Variants in BMP6 observed in about 807,000 individuals in gnomAD.
The protein encoded by BMP6 is VG-1-R.
In BMP6, 17 loss-of-function variants were observed where a neutral mutation model predicts 54.1. The ratio of observed to expected loss-of-function variants is 0.31; its 90% CI spans 0.22 to 0.47. The LOEUF is 0.47. BMP6 is among the 20% of genes least tolerant of loss of function. The pLI, the probability that BMP6 is intolerant of heterozygous loss-of-function variation, is 1.00. For missense variants in BMP6, 720 were observed against 690.4 expected (o/e 1.04, Z -0.48); for synonymous variants, 328 against 291.2 (o/e 1.13, Z -1.28).
intron 1 of BMP6, among the ~76,000 whole-genome samples, chr6:7,807,104 G>T (rs887779536): frequency 6.6e-6 from 1 of 152,182 alleles, no homozygotes; most frequent in East Asian, 1.9e-4. Context: ...AGGAAACAGA[G>T]GGTCATTCTC....
intron 1 of BMP6, among the ~76,000 whole-genome samples, chr6:7,835,733 T>A (rs1457735512): frequency 2.0e-5 from 3 of 152,230 alleles, no homozygotes; most frequent in Non-Finnish European, 4.4e-5. Flanking sequence ...CCAACGCATG[T>A]TTATTGACTG....
chr6:7,812,415 G>A (rs1209311137), intron 1 of BMP6, among the ~76,000 whole-genome samples: 1 of 152,120 alleles, frequency 6.6e-6, no homozygotes, highest in African/African-American at 2.4e-5. Flanking sequence ...AAAGGTGATG[G>A]TTTTAACTGG....
At chr6:7,835,416 A>G (rs1237637896) in intron 1 of BMP6, among the ~76,000 whole-genome samples, 1 of 152,158 alleles carries the variant, frequency 6.6e-6, no homozygotes, top group Non-Finnish European at 1.5e-5. Flanking sequence ...CTGAGTCTGA[A>G]GGAATGAATA....
At chr6:7,790,392 T>G (rs1758078093) in intron 1 of BMP6, among the ~76,000 whole-genome samples, 1 of 151,614 alleles carries the variant, frequency 6.6e-6, no homozygotes, top group Admixed American at 6.6e-5. Context: ...GTGGCACACT[T>G]CTGTAGTCCC....
chr6:7,795,258 C>T (rs1758175504), intron 1 of BMP6, among the ~76,000 whole-genome samples: 1 of 152,132 alleles, frequency 6.6e-6, no homozygotes, highest in Non-Finnish European at 1.5e-5. Flanking sequence ...GAGGCATGTG[C>T]AAGGGCAGCC....
At chr6:7,852,676 G>A (rs1034208950) in intron 2 of BMP6, among the ~76,000 whole-genome samples, 64 of 152,142 alleles carry the variant, frequency 4.2e-4, no homozygotes, top group African/African-American at 1.5e-3. Flanking sequence ...CTCTGTACTC[G>A]ATTTTTTAGC....
rs1759020474 is a variant in BMP6, at chr6:7,844,129, A to C, written c.665-1011A>C. ...CTTTTTTAGATTCTGCATATGAGTG[A>C]GGTCGTGCAGTGATTGTCTTTCTAT... On this transcript the variant is annotated intron_variant, in intron 1 of 6. Coordinates refer to ENST00000283147, the MANE Select transcript of BMP6 (RefSeq NM_001718.6). 2.0e-5 allele frequency among the ~76,000 whole-genome samples: 3 copies of C among 152,072 alleles called. 1 individual carries two copies. The highest frequency in any genetic ancestry group is 2.0e-4 in the Admixed American group (3 of 15,278).
At chr6:7,869,723 G>T (rs531926554) in intron 4 of BMP6, among the ~76,000 whole-genome samples, 1 of 152,278 alleles carries the variant, frequency 6.6e-6, no homozygotes, top group African/African-American at 2.4e-5. Context: ...AGGACTTAAG[G>T]TCGGGGAGCA....
intron 1 of BMP6, among the ~76,000 whole-genome samples, chr6:7,758,246 G>T (rs941360840): frequency 6.6e-6 from 1 of 152,306 alleles, no homozygotes; most frequent in African/African-American, 2.4e-5. Context: ...TTGTGAATTC[G>T]TACTGAGAAT....
rs112310943 is a variant in BMP6, at chr6:7,790,361, T to A, written c.665-54779T>A. 5.3e-3 allele frequency among the ~76,000 whole-genome samples: 788 copies of A among 149,060 alleles called. 12 individuals are homozygous for A. The highest frequency in any genetic ancestry group is 0.018 in the African/African-American group (744 of 40,922). ...GAAACTCCATCTCTACCAAAAAAAA[T>A]ACAGAAATTACCCAGGCATAGTGGC... is the stretch of plus-strand genomic sequence containing the variant. On this transcript the variant is annotated intron_variant, in intron 1 of 6. Coordinates refer to ENST00000283147, the MANE Select transcript of BMP6 (RefSeq NM_001718.6).
chr6:7,801,440 G>A (rs187238690), intron 1 of BMP6, among the ~76,000 whole-genome samples: 1 of 152,198 alleles, frequency 6.6e-6, no homozygotes, highest in African/African-American at 2.4e-5. Flanking sequence ...GCAAACCCAG[G>A]TGAACAGGAA....
intron 1 of BMP6, among the ~76,000 whole-genome samples, chr6:7,782,002 A>T (rs1581245398): frequency 6.6e-6 from 1 of 151,442 alleles, no homozygotes. Flanking sequence ...TGGAGTGGAC[A>T]CAGGGGCCCC....
At chr6:7,846,936 A>G (rs1017437217) in intron 2 of BMP6, among the ~76,000 whole-genome samples, 5 of 152,228 alleles carry the variant, frequency 3.3e-5, no homozygotes, top group Non-Finnish European at 2.9e-5. Flanking sequence ...TTGGGAATAT[A>G]TGTTTTTCTC....
intron 2 of BMP6, among the ~76,000 whole-genome samples, chr6:7,850,288 G>A (rs891896313): frequency 9.2e-5 from 14 of 152,060 alleles, no homozygotes; most frequent in East Asian, 1.9e-4. Context: ...GACTACAGGC[G>A]CCCGCCACCA....
intron 1 of BMP6, among the ~76,000 whole-genome samples, chr6:7,754,265 G>A (rs142556076): frequency 1.2e-4 from 18 of 151,948 alleles, no homozygotes; most frequent in Admixed American, 1.3e-4. Context: ...CTACAGGCAC[G>A]TGCCACCATG....
chr6:7,779,123 C>T (rs1757903053), intron 1 of BMP6, among the ~76,000 whole-genome samples: 2 of 152,124 alleles, frequency 1.3e-5, no homozygotes, highest in African/African-American at 2.4e-5. Flanking sequence ...CCCAAGGAGC[C>T]GAGTAGGAGG....
chr6:7,790,698 G>A (rs1006611697), intron 1 of BMP6, among the ~76,000 whole-genome samples: 51 of 152,038 alleles, frequency 3.4e-4, no homozygotes, highest in African/African-American at 1.1e-3. Context: ...GAGTTTGTCC[G>A]TAGCATCATG....
chr6:7,816,804 T>TA (rs201489544), intron 1 of BMP6, among the ~76,000 whole-genome samples: 107 of 151,498 alleles, frequency 7.1e-4, no homozygotes, highest in East Asian at 5.0e-3. Flanking sequence ...TATATTAGAT[T>TA]AAAAAAAAAC....
chr6:7,822,402 G>A lies in BMP6; in HGVS notation c.665-22738G>A, dbSNP rs557409343. Among the ~76,000 whole-genome samples, 13 of 152,268 alleles carry A rather than the reference G, an allele frequency of 8.5e-5. No individual in the cohort carries two copies. The South Asian group carries it at 2.7e-3, about 32-fold the overall frequency. The stretch of plus-strand genomic sequence containing the variant: ...CATTTCTTTTCTCTGTCATCTTTGT[G>A]CAGTTGCCTTTGTTCACTGGATCAG... On this transcript the variant is annotated intron_variant, in intron 1 of 6. Coordinates refer to ENST00000283147, the MANE Select transcript of BMP6 (RefSeq NM_001718.6).
Sources: allele counts gnomAD v4.1 joint callset (sites outside exome capture counted in the v4.1 genomes callset), GRCh38; gene constraint gnomAD v4.1.1; transcripts MANE v1.5; gene names NCBI Gene and HGNC (gene_info 2026-07-23, HGNC 2026-07-21).